AMBN: variants seen among roughly 807,000 people sequenced by gnomAD.
The protein encoded by AMBN is ameloblastin, also known as enamel matrix protein.
AMBN carries 54 observed loss-of-function variants against 48.0 expected under a neutral mutation model. That is an observed-to-expected ratio of 1.12 (90% CI 0.90 to 1.41). The LOEUF (loss-of-function observed/expected upper bound fraction) is 1.41, where lower values mean the gene tolerates loss of function less well. Among genes scored for constraint, AMBN ranks in the 40% most tolerant of loss-of-function variants. The pLI, the probability that AMBN is intolerant of heterozygous loss-of-function variation, is 0.00. For synonymous variants in AMBN, 186 were observed against 190.0 expected (o/e 0.98, Z 0.17); for missense variants, 571 against 547.3 (o/e 1.04, Z -0.43).
chr4:70,603,975 C>G, intron 12 of AMBN, 54 bp downstream of exon 12: 1 of 1,554,862 alleles, frequency 6.4e-7, no homozygotes, highest in South Asian at 1.1e-5. Flanking sequence ...AGAACAGTCA[C>G]TTATGACTGG....
intron 2 of AMBN, 138 bp from the exon 3 acceptor site, chr4:70,596,861 C>A: frequency 1.7e-6 from 1 of 573,522 alleles, no homozygotes; most frequent in Non-Finnish European, 3.1e-6. Context: ...TGCCCAAGCA[C>A]TCAAGTCATT....
Position 70,606,527 on chromosome 4 carries a change from G to C in AMBN, c.1141G>C (p.Ala381Pro), listed in dbSNP as rs767882542. The C allele has an allele frequency of 6.2e-7, 1 of 1,614,104 alleles. No individual in the cohort carries two copies. Among genetic ancestry groups the C allele is most frequent in the East Asian group, 2.2e-5 (1 of 44,856 alleles). ...KMKGLPSVTP[A>P]AADPLMTPEL... is the part of the protein sequence containing the mutation. ...GAAGGGACTCCCCAGCGTCACCCCA[G>C]CAGCTGCTGACCCACTGATGACCCC... is the stretch of plus-strand genomic sequence containing the variant. Residue 381 changes from alanine (A) to proline (P), a missense_variant, in exon 13 of 13, where the codon GCA becomes CCA. Coordinates refer to ENST00000322937, the MANE Select transcript of AMBN (RefSeq NM_016519.6).
intron 9 of AMBN, 26 bp downstream of exon 9, chr4:70,603,036 T>A: frequency 6.3e-7 from 1 of 1,583,914 alleles, no homozygotes; most frequent in Non-Finnish European, 8.5e-7. Context: ...AATGAGACAC[T>A]GTCTTGCAAA....
Position 70,607,015 on chromosome 4 carries a change from A to C in AMBN, c.*285A>C, listed in dbSNP as rs1737677554. The C allele has an allele frequency of 3.1e-6, 1 of 321,206 alleles. No individual in the cohort carries two copies. Among genetic ancestry groups the C allele is most frequent in the Non-Finnish European group, 5.7e-6 (1 of 175,326 alleles). The allele number at this position is 321,206 out of a possible 1,614,324, so 19.9% of individuals were successfully genotyped here. On this transcript the variant is annotated 3_prime_UTR_variant, in exon 13 of 13. Transcript: ENST00000322937. ...CAGCATTTGATCATCACTTTTTCTT[A>C]GCTGTCTTAAGCATTATAGAATTTC...
At chr4:70,597,153 G>A in intron 3 of AMBN, 104 bp downstream of exon 3, 1 of 1,028,296 alleles carries the variant, frequency 9.7e-7, no homozygotes, top group East Asian at 2.5e-5. Context: ...CCAGAAGTTT[G>A]TGGCTGTTAT....
intron 2 of AMBN, among the ~76,000 whole-genome samples, chr4:70,593,628 G>A (rs1737324175): frequency 6.6e-6 from 1 of 152,168 alleles, no homozygotes; most frequent in Non-Finnish European, 1.5e-5. Flanking sequence ...ACTTTGGGAG[G>A]TTGAGGCAGG....
In AMBN at chr4:70,597,046, T is replaced by C; in HGVS notation, c.132T>C (p.Leu44=). 19 of 1,612,878 alleles carry C rather than the reference T, an allele frequency of 1.2e-5. No homozygotes were observed. Among genetic ancestry groups the C allele is most frequent in the Non-Finnish European group, 1.6e-5 (19 of 1,179,094 alleles). ...SGTPGMASLS[L]ETMRQLGSLQ... The stretch of plus-strand genomic sequence containing the variant: ...CACCGGGTATGGCTAGTTTGAGCCT[T>C]GAGGTATGTATTGTCAGAATTTTTA... The change falls in exon 3 of 13, where the codon CTT becomes CTC. Residue 44 remains leucine (L), a synonymous_variant. Coordinates refer to ENST00000322937, the MANE Select transcript of AMBN (RefSeq NM_016519.6).
chr4:70,593,405 T>C lies in AMBN; in HGVS notation c.84+10T>C, dbSNP rs773514948. 1.9e-6 allele frequency: 3 copies of C among 1,603,920 alleles called. No homozygotes were observed. The highest frequency in any genetic ancestry group is 3.3e-5 in the Admixed American group (2 of 59,960). On this transcript the variant is annotated intron_variant, in intron 2 of 12. Coordinates refer to ENST00000322937, the MANE Select transcript of AMBN (RefSeq NM_016519.6). ...GAGTTTTGCAGTGCCGGTAAGTCAGTCTTTAGAGTGTGTCCCAGAAAAGGT... is the reference window on the plus strand; with the variant it reads ...GAGTTTTGCAGTGCCGGTAAGTCAGCCTTTAGAGTGTGTCCCAGAAAAGGT...
At chr4:70,597,175 C>G (rs1305686461) in intron 3 of AMBN, 126 bp downstream of exon 3, 4 of 716,326 alleles carry the variant, frequency 5.6e-6, no homozygotes, top group Non-Finnish European at 9.0e-6. Flanking sequence ...CTGAGGAGTG[C>G]TAGAAAAGTT....
chr4:70,604,812 G>A (rs1369922608), intron 12 of AMBN, among the ~76,000 whole-genome samples: 1 of 152,060 alleles, frequency 6.6e-6, no homozygotes, highest in African/African-American at 2.4e-5. Flanking sequence ...GGCCAACATG[G>A]TAAAACCCCG....
intron 3 of AMBN, among the ~76,000 whole-genome samples, chr4:70,598,110 TTAAA>T (rs1737427502): frequency 6.6e-6 from 1 of 152,228 alleles, no homozygotes; most frequent in Non-Finnish European, 1.5e-5. Flanking sequence ...TAACCTCCAC[TTAAA>T]TAATACTTTT....
At chr4:70,599,169 G>T (rs1430386489) in intron 4 of AMBN, among the ~76,000 whole-genome samples, 1 of 152,066 alleles carries the variant, frequency 6.6e-6, no homozygotes, top group East Asian at 1.9e-4. Flanking sequence ...CAGGCCAGGA[G>T]CAGTGGCTCA....
chr4:70,593,868 A>T (rs1231029627), intron 2 of AMBN, among the ~76,000 whole-genome samples: 2 of 151,878 alleles, frequency 1.3e-5, no homozygotes, highest in African/African-American at 4.8e-5. Context: ...CCATTTAAAA[A>T]AAAAAAAAAA....
chr4:70,592,719 CA>C (rs1343960453), intron 1 of AMBN, among the ~76,000 whole-genome samples: 14 of 151,922 alleles, frequency 9.2e-5, no homozygotes, highest in African/African-American at 3.4e-4. Context: ...AAAGATAATT[CA>C]TTTTAGGAAG....
chr4:70,594,658 T>A (rs903113041), intron 2 of AMBN, among the ~76,000 whole-genome samples: 29 of 152,208 alleles, frequency 1.9e-4, no homozygotes, highest in African/African-American at 6.5e-4. Context: ...CTCTGTTCCA[T>A]CACGCAAGAT....
At chr4:70,599,034 C>A (rs1181740666) in intron 4 of AMBN, among the ~76,000 whole-genome samples, 1 of 150,896 alleles carries the variant, frequency 6.6e-6, no homozygotes, top group Admixed American at 6.6e-5. Context: ...CTCGGCCTCC[C>A]AAAGTGCTGG....
At chr4:70,595,190 C>CTAT (rs532890418) in intron 2 of AMBN, among the ~76,000 whole-genome samples, 57 of 119,064 alleles carry the variant, frequency 4.8e-4, no homozygotes, top group African/African-American at 1.7e-3. Flanking sequence ...TCCCTCTATT[C>CTAT]TTTTTTTTTT....
In AMBN at chr4:70,601,565, A is replaced by G. The variant is rs1737521962; in HGVS notation, c.442A>G (p.Ile148Val). 2 of 1,614,142 alleles carry G rather than the reference A, an allele frequency of 1.2e-6. No individual in the cohort carries two copies. The highest frequency in any genetic ancestry group is 1.1e-5 in the South Asian group (1 of 91,084). Residue 148 changes from isoleucine to valine, a missense_variant, in exon 6 of 13, where the codon ATT (isoleucine) becomes GTT (valine). Physicochemically the swap from Ile to Val is conservative, Grantham distance 29. Coordinates refer to ENST00000322937, the MANE Select transcript of AMBN (RefSeq NM_016519.6). ...TALKEALQPP[I>V]HLGHLPLQEG... ...ACTGAAAGAAGCACTTCAGCCTCCA[A>G]TTCACCTGGGACATCTGCCCTTGCA... is the stretch of plus-strand genomic sequence containing the variant.
At chr4:70,592,611 A>C (rs1304603956) in intron 1 of AMBN, among the ~76,000 whole-genome samples, 1 of 151,978 alleles carries the variant, frequency 6.6e-6, no homozygotes, top group Non-Finnish European at 1.5e-5. Flanking sequence ...ATAGTGCCTA[A>C]TTCTTTTTAA....
Sources: allele counts gnomAD v4.1 joint callset (sites outside exome capture counted in the v4.1 genomes callset), GRCh38; gene constraint gnomAD v4.1.1; transcripts MANE v1.5; gene names NCBI Gene and HGNC (gene_info 2026-07-23, HGNC 2026-07-21).